The following RBFOX1 variants were observed in gnomAD, a reference collection of about 807,000 sequenced individuals.
RBFOX1 encodes RNA binding protein fox-1 homolog 1.
Under a neutral mutation model 57.7 loss-of-function variants are expected in RBFOX1, and 8 were observed. The ratio of observed to expected loss-of-function variants is 0.14; its 90% CI spans 0.08 to 0.25. The LOEUF is 0.25. RBFOX1 is among the 10% of genes least tolerant of loss of function. RBFOX1 has a pLI of 1.00. For missense variants in RBFOX1, 611 were observed against 548.5 expected (o/e 1.11, Z -1.14); for synonymous variants, 326 against 222.4 (o/e 1.47, Z -4.15).
intron 3 of RBFOX1, among the ~76,000 whole-genome samples, chr16:5,650,182 T>A (rs1279458488): frequency 1.3e-5 from 2 of 152,194 alleles, no homozygotes; most frequent in East Asian, 3.9e-4. Context: ...GAAATAGTCG[T>A]AAGACGAGGC....
intron 3 of RBFOX1, among the ~76,000 whole-genome samples, chr16:6,903,467 C>G (rs770797526): frequency 6.6e-6 from 1 of 152,174 alleles, no homozygotes; most frequent in Non-Finnish European, 1.5e-5. Context: ...TCTTTGAATT[C>G]TCTAGTGTCT....
intron 3 of RBFOX1, among the ~76,000 whole-genome samples, chr16:6,702,770 G>C (rs1241731874): frequency 6.6e-6 from 1 of 152,122 alleles, no homozygotes; most frequent in Non-Finnish European, 1.5e-5. Context: ...TGGTAAAATA[G>C]ACATAACATA....
intron 3 of RBFOX1, among the ~76,000 whole-genome samples, chr16:6,975,165 T>A (rs868217586): frequency 6.6e-6 from 1 of 152,164 alleles, no homozygotes; most frequent in East Asian, 1.9e-4. Context: ...CTCTGTGGGT[T>A]CCTGTGATGG....
At chr16:7,646,435 A>T (rs10492761) in intron 11 of RBFOX1, among the ~76,000 whole-genome samples, 60,777 of 152,096 alleles carry the variant, frequency 0.4, 12,614 homozygotes, top group Middle Eastern at 0.52. Context: ...TCCTACCATA[A>T]ATTACCCACA....
chr16:5,609,134 G>T (rs984037545), intron 3 of RBFOX1, among the ~76,000 whole-genome samples: 4 of 152,140 alleles, frequency 2.6e-5, no homozygotes, highest in African/African-American at 9.7e-5. Context: ...ATTATTGGAG[G>T]GAGGGGAGAG....
At chr16:5,474,859 C>G (rs923797203) in intron 2 of RBFOX1, among the ~76,000 whole-genome samples, 1 of 152,172 alleles carries the variant, frequency 6.6e-6, no homozygotes, top group African/African-American at 2.4e-5. Flanking sequence ...TGAGCCCATG[C>G]TATTTGACTC....
chr16:6,034,355 AAAGAAAAG>A (rs2095335159), intron 1 of RBFOX1, among the ~76,000 whole-genome samples: 4 of 140,012 alleles, frequency 2.9e-5, no homozygotes, highest in African/African-American at 7.9e-5. Context: ...AAAAAAAAAA[AAAGAAAAG>A]AAAAGAAAAG....
intron 4 of RBFOX1, among the ~76,000 whole-genome samples, chr16:7,223,880 T>C (rs1183297887): frequency 6.6e-6 from 1 of 151,856 alleles, no homozygotes; most frequent in Non-Finnish European, 1.5e-5. Context: ...CTGTTATGGC[T>C]GGTTGGTGAG....
chr16:5,591,947 A>C (rs749644875), intron 2 of RBFOX1, among the ~76,000 whole-genome samples: 29 of 152,256 alleles, frequency 1.9e-4, no homozygotes, highest in Admixed American at 4.6e-4. Flanking sequence ...GTATAATTTC[A>C]CTGTGTATAA....
chr16:7,287,991 A>G (rs967744564), intron 4 of RBFOX1, among the ~76,000 whole-genome samples: 1 of 152,074 alleles, frequency 6.6e-6, no homozygotes, highest in Non-Finnish European at 1.5e-5. Context: ...GAAAAATCCA[A>G]ACCAATCTCG....
At chr16:6,113,120 G>A (rs543495264) in intron 1 of RBFOX1, among the ~76,000 whole-genome samples, 292 of 152,190 alleles carry the variant, frequency 1.9e-3, no homozygotes, top group Middle Eastern at 3.4e-3. Flanking sequence ...TGGCTAGTCC[G>A]GACTGGATTG....
chr16:6,160,983 C>A (rs2096874273), intron 1 of RBFOX1, among the ~76,000 whole-genome samples: 2 of 152,194 alleles, frequency 1.3e-5, no homozygotes, highest in Admixed American at 6.5e-5. Flanking sequence ...CTCCTTCTTC[C>A]TACCGACAAT....
intron 1 of RBFOX1, among the ~76,000 whole-genome samples, chr16:6,197,747 T>G (rs1386956343): frequency 6.6e-6 from 1 of 152,072 alleles, no homozygotes; most frequent in African/African-American, 2.4e-5. Context: ...ACCCAGGTAT[T>G]AAGCCCGGTA....
intron 1 of RBFOX1, among the ~76,000 whole-genome samples, chr16:6,291,646 C>A (rs996690688): frequency 1.3e-5 from 2 of 152,162 alleles, no homozygotes; most frequent in African/African-American, 2.4e-5. Context: ...GCATCCTTTG[C>A]CGTATTGTCT....
intron 3 of RBFOX1, among the ~76,000 whole-genome samples, chr16:5,719,265 G>T (rs898349999): frequency 1.8e-4 from 26 of 145,742 alleles, no homozygotes; most frequent in African/African-American, 5.8e-4. Context: ...GCAGTGGCAC[G>T]ATCTCGGCTC....
intron 3 of RBFOX1, among the ~76,000 whole-genome samples, chr16:6,736,465 T>C (rs113006897): frequency 6.6e-6 from 1 of 152,134 alleles, no homozygotes; most frequent in Non-Finnish European, 1.5e-5. Context: ...ATCTCATCCA[T>C]GTCATTGCAA....
At chr16:5,878,290 T>C (rs956374244) in intron 4 of RBFOX1, among the ~76,000 whole-genome samples, 1 of 152,184 alleles carries the variant, frequency 6.6e-6, no homozygotes, top group Non-Finnish European at 1.5e-5. Flanking sequence ...TTATTAATGC[T>C]CACTGTATGC....
At chr16:6,478,993 T>A (rs1429787672) in intron 2 of RBFOX1, among the ~76,000 whole-genome samples, 2 of 152,128 alleles carry the variant, frequency 1.3e-5, no homozygotes, top group Non-Finnish European at 2.9e-5. Flanking sequence ...CCAATAGACT[T>A]GCTCAGCACA....
intron 2 of RBFOX1, among the ~76,000 whole-genome samples, chr16:6,344,699 T>A (rs920637632): frequency 7.1e-6 from 1 of 139,930 alleles, no homozygotes; most frequent in African/African-American, 2.7e-5. Context: ...GCCCGGTTTT[T>A]TTTTTTTTTT....
Sources: gnomAD v4.1 joint callset for allele counts (sites outside exome capture counted in the v4.1 genomes callset) on GRCh38, gnomAD v4.1.1 for gene constraint, MANE v1.5 for transcripts, NCBI Gene and HGNC (gene_info 2026-07-23, HGNC 2026-07-21) for gene names.